The following PPARGC1A variants were observed in gnomAD, a reference collection of about 807,000 sequenced individuals.
PPARGC1A encodes PPARG coactivator 1 alpha.
Under a neutral mutation model 88.7 loss-of-function variants are expected in PPARGC1A, and 25 were observed. The ratio of observed to expected loss-of-function variants is 0.28; its 90% CI spans 0.21 to 0.39. PPARGC1A has a LOEUF of 0.39. Among genes scored for constraint, PPARGC1A ranks in the 10% least tolerant of loss-of-function variants. The pLI, the probability that PPARGC1A is intolerant of heterozygous loss-of-function variation, is 1.00. For synonymous variants in PPARGC1A, 363 were observed against 355.6 expected (o/e 1.02, Z -0.24); for missense variants, 880 against 968.7 (o/e 0.91, Z 1.22).
the PPARGC1A span, among the ~76,000 whole-genome samples, chr4:24,229,324 T>C: frequency 2.0e-5 from 3 of 150,698 alleles, no homozygotes; most frequent in African/African-American, 7.3e-5. Context: ...AATTTTTGTA[T>C]TTTTAATAGA....
the PPARGC1A span, among the ~76,000 whole-genome samples, chr4:24,018,424 A>C: frequency 6.6e-6 from 1 of 152,130 alleles, no homozygotes; most frequent in Non-Finnish European, 1.5e-5. Context: ...GCCATTTTAG[A>C]AGTTTTACAG....
the PPARGC1A span, among the ~76,000 whole-genome samples, chr4:23,935,177 G>T: frequency 1.3e-5 from 2 of 152,168 alleles, no homozygotes; most frequent in African/African-American, 2.4e-5. Context: ...TGCCTGGGAG[G>T]TAGGGTGAGC....
chr4:23,886,319 TATCCCTGGC>T (rs996220359), intron 1 of PPARGC1A, among the ~76,000 whole-genome samples: 9 of 152,214 alleles, frequency 5.9e-5, no homozygotes, highest in African/African-American at 2.2e-4. Flanking sequence ...GCACCCCTGT[TATCCCTGGC>T]AGGGATTCCT....
At chr4:24,252,766 A>C in the PPARGC1A span, among the ~76,000 whole-genome samples, 1 of 152,222 alleles carries the variant, frequency 6.6e-6, no homozygotes, top group African/African-American at 2.4e-5. Flanking sequence ...CACTGAAATA[A>C]TACAACCTTC....
the PPARGC1A span, among the ~76,000 whole-genome samples, chr4:24,320,312 A>G: frequency 6.6e-6 from 1 of 152,226 alleles, no homozygotes; most frequent in Non-Finnish European, 1.5e-5. Flanking sequence ...TTTTTATTCT[A>G]GAATAAATGA....
intron 2 of PPARGC1A, among the ~76,000 whole-genome samples, chr4:23,847,574 C>T (rs1728537708): frequency 6.6e-6 from 1 of 152,180 alleles, no homozygotes. Flanking sequence ...TTACCTCTGA[C>T]CATAGGCTGT....
the PPARGC1A span, among the ~76,000 whole-genome samples, chr4:23,943,388 T>G: frequency 3.3e-5 from 5 of 152,042 alleles, no homozygotes; most frequent in East Asian, 1.9e-4. Flanking sequence ...AGGTTTTTTT[T>G]TTTTTTTTTT....
chr4:24,059,400 G>T, the PPARGC1A span, among the ~76,000 whole-genome samples: 1 of 152,082 alleles, frequency 6.6e-6, no homozygotes, highest in East Asian at 1.9e-4. Context: ...CAAGTGTACC[G>T]CAGAATGCAT....
chr4:24,291,149 T>G, the PPARGC1A span, among the ~76,000 whole-genome samples: 117 of 152,276 alleles, frequency 7.7e-4, no homozygotes, highest in African/African-American at 2.8e-3. Flanking sequence ...AATTGCCAAA[T>G]AAGTCTCCAG....
chr4:24,218,837 AGTCTTTTTC>A, the PPARGC1A span, among the ~76,000 whole-genome samples: 80 of 152,344 alleles, frequency 5.3e-4, no homozygotes, highest in Non-Finnish European at 4.7e-4. Flanking sequence ...AACCACATTT[AGTCTTTTTC>A]CTGAATAGAG....
At chr4:24,197,669 C>T in the PPARGC1A span, among the ~76,000 whole-genome samples, 1 of 152,258 alleles carries the variant, frequency 6.6e-6, no homozygotes, top group African/African-American at 2.4e-5. Flanking sequence ...CCATAAATGT[C>T]TCTTTCAAAA....
At chr4:24,157,959 AAC>A in the PPARGC1A span, among the ~76,000 whole-genome samples, 1 of 151,968 alleles carries the variant, frequency 6.6e-6, no homozygotes, top group Admixed American at 6.6e-5. Flanking sequence ...TTACCCTTCC[AAC>A]ACACACTGTC....
chr4:24,028,980 G>T, the PPARGC1A span, among the ~76,000 whole-genome samples: 1 of 152,146 alleles, frequency 6.6e-6, no homozygotes, highest in Non-Finnish European at 1.5e-5. Flanking sequence ...TAGGAAAAAA[G>T]AGGAAGAGAG....
chr4:24,051,127 G>T, the PPARGC1A span, among the ~76,000 whole-genome samples: 1 of 131,570 alleles, frequency 7.6e-6, no homozygotes, highest in African/African-American at 2.8e-5. Context: ...GGCAGAGCTT[G>T]CAGTGAGCAA....
chr4:24,217,423 C>T, the PPARGC1A span, among the ~76,000 whole-genome samples: 1 of 152,164 alleles, frequency 6.6e-6, no homozygotes, highest in Non-Finnish European at 1.5e-5. Context: ...TAGTTAGAGG[C>T]TACTGCCGTT....
the PPARGC1A span, among the ~76,000 whole-genome samples, chr4:24,326,283 C>T: frequency 6.6e-6 from 1 of 152,132 alleles, no homozygotes; most frequent in East Asian, 1.9e-4. Flanking sequence ...CCTATAAACT[C>T]TCCTTACAAT....
the PPARGC1A span, among the ~76,000 whole-genome samples, chr4:24,177,891 A>G: frequency 6.6e-6 from 1 of 152,142 alleles, no homozygotes; most frequent in Non-Finnish European, 1.5e-5. Flanking sequence ...GTGAGCCACT[A>G]CTTATGTGGA....
the PPARGC1A span, among the ~76,000 whole-genome samples, chr4:24,110,879 C>T: frequency 1.3e-5 from 2 of 152,134 alleles, no homozygotes; most frequent in Admixed American, 1.3e-4. Context: ...TAAGGTCCTA[C>T]AGTTAAAACA....
At chr4:24,248,131 T>C in the PPARGC1A span, among the ~76,000 whole-genome samples, 1 of 152,110 alleles carries the variant, frequency 6.6e-6, no homozygotes, top group African/African-American at 2.4e-5. Context: ...TTTTTTCTTT[T>C]TTCTTTTTTT....
Sources: allele counts gnomAD v4.1 joint callset (sites outside exome capture counted in the v4.1 genomes callset), GRCh38; gene constraint gnomAD v4.1.1; transcripts MANE v1.5; gene names NCBI Gene and HGNC (gene_info 2026-07-23, HGNC 2026-07-21).